SNN: variants seen among roughly 807,000 people sequenced by gnomAD.
The protein encoded by SNN is AG8_1.
In SNN, 5 loss-of-function variants were observed where a neutral mutation model predicts 5.3. The ratio of observed to expected loss-of-function variants is 0.94; its 90% CI spans 0.49 to 1.97. The LOEUF is 1.97. Among genes scored for constraint, SNN ranks in the 30% most tolerant of loss-of-function variants. SNN has a pLI of 0.01. For missense variants in SNN, 127 were observed against 121.6 expected (o/e 1.04, Z -0.21); for synonymous variants, 67 against 52.1 (o/e 1.29, Z -1.24).
Position 11,668,591 on chromosome 16 carries a change from G to C in SNN, c.-86+51G>C, listed in dbSNP as rs2050244042. The C allele has an allele frequency of 3.4e-5, 5 of 145,192 alleles. 1 individual carries two copies. In the South Asian group the frequency reaches 9.2e-4, roughly 27 times the overall value. The allele number at this position is 145,192 out of a possible 1,614,324, so 9.0% of individuals were successfully genotyped here. A position where few individuals can be genotyped will look rare whatever the true frequency, so the allele number is the denominator to read the frequency against. The stretch of plus-strand genomic sequence containing the variant: ...GCTCGGGCCGGGCGGGGGCGCCGGG[G>C]CCCGGGGGCGGGAAGGGGGAGGCCA... On this transcript the variant is annotated intron_variant, in intron 1 of 1. Coordinates refer to ENST00000329565, the MANE Select transcript of SNN (RefSeq NM_003498.6). The surrounding 1 kb of genome is among the most constrained non-coding windows in gnomAD (Gnocchi z 6.8).
Position 11,676,361 on chromosome 16 carries a change from C to G in SNN, c.*35C>G, listed in dbSNP as rs368657007. 1.9e-6 allele frequency: 3 copies of G among 1,596,586 alleles called. No homozygotes were observed. In the South Asian group the frequency reaches 3.3e-5, roughly 18 times the overall value. On this transcript the variant is annotated 3_prime_UTR_variant, in exon 2 of 2. Transcript: ENST00000329565. ...CAAGGCTCCTGGTCCTGTTTGCAGCCGGCCAAGAGGCGCTGGGAGGGGCAA... is the reference window on the plus strand; with the variant it reads ...CAAGGCTCCTGGTCCTGTTTGCAGCGGGCCAAGAGGCGCTGGGAGGGGCAA...
rs1280701750 is a variant in SNN at position 11,678,435 on chromosome 16, C to G, written c.*2109C>G. On this transcript the variant is annotated 3_prime_UTR_variant, in exon 2 of 2. Transcript: ENST00000329565. ...CAGCAACAGCTAGGATCTGCATTTT[C>G]AGGTTCCGAGCCTGACCCCTGGAAC... is the stretch of plus-strand genomic sequence containing the variant. 6.0e-6 allele frequency: 1 copy of G among 167,104 alleles called. No individual in the cohort carries two copies. The highest frequency in any genetic ancestry group is 2.4e-5 in the African/African-American group (1 of 41,438). The allele number at this position is 167,104 out of a possible 1,614,324, so 10.4% of individuals were successfully genotyped here. A position where few individuals can be genotyped will look rare whatever the true frequency, so the allele number is the denominator to read the frequency against.
At chr16:11,673,056 C>T (rs1285340771) in intron 1 of SNN, among the ~76,000 whole-genome samples, 2 of 152,150 alleles carry the variant, frequency 1.3e-5, no homozygotes, top group African/African-American at 4.8e-5. Flanking sequence ...GGCACCCCAG[C>T]AGGCCCTGGG....
chr16:11,679,093 C>T lies in SNN; in HGVS notation c.*2767C>T. ...TGACATTCAAGCTGATTTTCTAGACCACTGAGAAAATCTTTATTTACAATA... is the reference window on the plus strand; with the variant it reads ...TGACATTCAAGCTGATTTTCTAGACTACTGAGAAAATCTTTATTTACAATA... On this transcript the variant is annotated 3_prime_UTR_variant, in exon 2 of 2. Transcript: ENST00000329565. The surrounding 1 kb of genome is among the most constrained non-coding windows in gnomAD (Gnocchi z 4.6). 8.1e-7 allele frequency: 1 copy of T among 1,239,322 alleles called. No homozygotes were observed. The highest frequency in any genetic ancestry group is 2.6e-5 in the Admixed American group (1 of 37,950). The allele number at this position is 1,239,322 out of a possible 1,614,324, so 76.8% of individuals were successfully genotyped here. A position where few individuals can be genotyped will look rare whatever the true frequency, so the allele number is the denominator to read the frequency against.
chr16:11,674,666 G>A (rs532862518), intron 1 of SNN, among the ~76,000 whole-genome samples: 11 of 152,272 alleles, frequency 7.2e-5, no homozygotes, highest in East Asian at 1.9e-4. Context: ...CCTCATCCCC[G>A]CTCCCACCCA....
chr16:11,669,572 C>T (rs1360644870), intron 1 of SNN, among the ~76,000 whole-genome samples: 1 of 152,246 alleles, frequency 6.6e-6, no homozygotes, highest in Non-Finnish European at 1.5e-5. Flanking sequence ...AGTAATAGCT[C>T]AACTGCCCTG....
rs1327172002 is a variant in SNN, at chr16:11,677,695, C to G, written c.*1369C>G. On this transcript the variant is annotated 3_prime_UTR_variant, in exon 2 of 2. Coordinates refer to ENST00000329565, the MANE Select transcript of SNN (RefSeq NM_003498.6). The surrounding 1 kb of genome is among the most constrained non-coding windows in gnomAD (Gnocchi z 4.2). Reference sequence around the variant, plus strand: ...CAGTGAGCTCACTTTGATTTTTAATCCCACCACAAGCACATACTAATTTTA... The same window carrying G: ...CAGTGAGCTCACTTTGATTTTTAATGCCACCACAAGCACATACTAATTTTA... The G allele has an allele frequency of 6.0e-6, 1 of 166,956 alleles. No individual in the cohort carries two copies. The highest frequency in any genetic ancestry group is 1.5e-5 in the Non-Finnish European group (1 of 68,108). 10.3% of individuals were successfully genotyped at this position (166,956 alleles called of 1,614,324 possible).
At chr16:11,675,073 G>A (rs1232442890) in intron 1 of SNN, among the ~76,000 whole-genome samples, 1 of 152,012 alleles carries the variant, frequency 6.6e-6, no homozygotes, top group African/African-American at 2.4e-5. Context: ...CTACCGCCCA[G>A]CTTCCTTCTC....
Position 11,676,520 on chromosome 16 carries a change from G to A in SNN, c.*194G>A. On this transcript the variant is annotated 3_prime_UTR_variant, in exon 2 of 2. Transcript: ENST00000329565. ...GGCTTCCCCTCGGCCTCCAGGTGAG[G>A]CTGCCCATTGCAGGCACTGGGCAGG... 9.0e-6 allele frequency: 6 copies of A among 666,250 alleles called. No homozygotes were observed. The highest frequency in any genetic ancestry group is 1.6e-5 in the Non-Finnish European group (6 of 387,074). The allele number at this position is 666,250 out of a possible 1,614,324, so 41.3% of individuals were successfully genotyped here.
In SNN at chr16:11,677,325, G is replaced by C. The variant is rs1344113784; in HGVS notation, c.*999G>C. ...GAGGGGAGGGGACTGTTGAGGTTCT[G>C]TCTTTTTTCTTCTTTTCCTCTTCCC... On this transcript the variant is annotated 3_prime_UTR_variant, in exon 2 of 2. Transcript: ENST00000329565. The surrounding 1 kb of genome is among the most constrained non-coding windows in gnomAD (Gnocchi z 4.2). The C allele has an allele frequency of 1.2e-5, 2 of 167,324 alleles. No homozygotes were observed. The highest frequency in any genetic ancestry group is 2.4e-5 in the African/African-American group (1 of 41,464). The allele number at this position is 167,324 out of a possible 1,614,324, so 10.4% of individuals were successfully genotyped here. A position where few individuals can be genotyped will look rare whatever the true frequency, so the allele number is the denominator to read the frequency against.
At chr16:11,669,887 G>A (rs1480107332) in intron 1 of SNN, among the ~76,000 whole-genome samples, 1 of 152,206 alleles carries the variant, frequency 6.6e-6, no homozygotes, top group Non-Finnish European at 1.5e-5. Context: ...CCTCTTCTGA[G>A]GATGGGGGTG....
At chr16:11,675,150 T>C (rs2050290654) in intron 1 of SNN, among the ~76,000 whole-genome samples, 1 of 152,070 alleles carries the variant, frequency 6.6e-6, no homozygotes, top group Non-Finnish European at 1.5e-5. Flanking sequence ...AAGGCTGTTG[T>C]CCAGTACACC....
At position 11,676,105 on chromosome 16, in the gene SNN, A is replaced by G. The variant is rs2050301551; in HGVS notation, c.46A>G (p.Ile16Val). The G allele has an allele frequency of 6.2e-7, 1 of 1,613,582 alleles. No homozygotes were observed. The highest frequency in any genetic ancestry group is 8.5e-7 in the Non-Finnish European group (1 of 1,179,702). ...CCCCACCACGGGCGTGGTCACAGTC[A>G]TCGTCATCCTCATTGCCATCGCGGC... ...HSPTTGVVTV[I>V]VILIAIAALG... Residue 16 changes from isoleucine to valine, a missense_variant, in exon 2 of 2, where the codon ATC (isoleucine) becomes GTC (valine). Physicochemically the swap from Ile to Val is conservative, Grantham distance 29 (BLOSUM62 3). Coordinates refer to ENST00000329565, the MANE Select transcript of SNN (RefSeq NM_003498.6).
Position 11,676,342 on chromosome 16 carries a change from T to TC in SNN, c.*18dup. 6.2e-7 allele frequency: 1 copy of TC among 1,604,590 alleles called. No individual in the cohort carries two copies. Among genetic ancestry groups the TC allele is most frequent in the Non-Finnish European group, 8.5e-7 (1 of 1,172,624 alleles). On this transcript the variant is annotated 3_prime_UTR_variant, in exon 2 of 2. Transcript: ENST00000329565. ...CCACGGCTGAGCCAGGATGCAAGGC[T>TC]CCTGGTCCTGTTTGCAGCCGGCCAA... is the stretch of plus-strand genomic sequence containing the variant.
At chr16:11,673,734 C>CTGGT (rs2050280524) in intron 1 of SNN, among the ~76,000 whole-genome samples, 1 of 152,210 alleles carries the variant, frequency 6.6e-6, no homozygotes, top group Non-Finnish European at 1.5e-5. Flanking sequence ...GGGCCAGGGC[C>CTGGT]TGGTAGGAGG....
intron 1 of SNN, among the ~76,000 whole-genome samples, chr16:11,669,979 G>A (rs1267576197): frequency 6.6e-6 from 1 of 152,222 alleles, no homozygotes; most frequent in East Asian, 1.9e-4. Flanking sequence ...ACTGGCATCC[G>A]GCCGTTCTTG....
Position 11,676,055 on chromosome 16 carries a change from T to C in SNN, c.-5T>C. 1 of 1,590,808 alleles carries C rather than the reference T, an allele frequency of 6.3e-7. No homozygotes were observed. Among genetic ancestry groups the C allele is most frequent in the African/African-American group, 1.3e-5 (1 of 74,694 alleles). On this transcript the variant is annotated 5_prime_UTR_variant, in exon 2 of 2. Coordinates refer to ENST00000329565, the MANE Select transcript of SNN (RefSeq NM_003498.6). ...TGCCAGCCGAGGAAGCCCCCAGCAC[T>C]GACCATGTCTATTATGGACCACAGC...
chr16:11,673,503 G>T (rs1352963214), intron 1 of SNN, among the ~76,000 whole-genome samples: 1 of 152,190 alleles, frequency 6.6e-6, no homozygotes, highest in Non-Finnish European at 1.5e-5. Flanking sequence ...TCTCCAGCCG[G>T]GCCATCTGCG....
intron 1 of SNN, among the ~76,000 whole-genome samples, chr16:11,675,253 T>C (rs1303652980): frequency 6.7e-6 from 1 of 149,412 alleles, no homozygotes; most frequent in Non-Finnish European, 1.5e-5. Flanking sequence ...TTTTCTTTTT[T>C]TTTTCTTTTT....
Sources: allele counts gnomAD v4.1 joint callset (sites outside exome capture counted in the v4.1 genomes callset), GRCh38; gene constraint gnomAD v4.1.1; non-coding constraint Gnocchi (gnomAD v3.1); transcripts MANE v1.5; gene names NCBI Gene and HGNC (gene_info 2026-07-23, HGNC 2026-07-21).